Variants in TXNL4A observed in about 807,000 individuals in gnomAD.
The protein encoded by TXNL4A is thioredoxin like 4A, also known as thioredoxin-like protein 4A.
In TXNL4A, 17 loss-of-function variants were observed where a neutral mutation model predicts 14.6. That is an observed-to-expected ratio of 1.16 (90% confidence interval 0.80 to 1.74). The LOEUF is 1.74. Among genes scored for constraint, TXNL4A ranks in the 40% most tolerant of loss-of-function variants. TXNL4A has a pLI of 0.00. For synonymous variants in TXNL4A, 83 were observed against 70.6 expected (o/e 1.18, Z -0.88); for missense variants, 74 against 195.2 (o/e 0.38, Z 3.70).
chr18:79,975,553 C>T (rs1296913251), intron 2 of TXNL4A, among the ~76,000 whole-genome samples: 2 of 152,184 alleles, frequency 1.3e-5, no homozygotes, highest in Admixed American at 6.5e-5. Context: ...AGACCTAAGA[C>T]GGCCCTCCCT....
intron 1 of TXNL4A, among the ~76,000 whole-genome samples, chr18:80,027,789 T>C (rs2051894716): frequency 6.6e-6 from 1 of 152,202 alleles, no homozygotes; most frequent in Non-Finnish European, 1.5e-5. Context: ...CCATGCTTGC[T>C]GCAAGTTAAG....
chr18:79,976,926 C>T (rs1196369742), intron 2 of TXNL4A: 3 of 358,878 alleles, frequency 8.4e-6, no homozygotes, highest in East Asian at 8.2e-5. Flanking sequence ...AAAAAGGACA[C>T]CGAAGTTGAT....
At chr18:80,003,112 C>T (rs781443980) in intron 1 of TXNL4A, among the ~76,000 whole-genome samples, 4 of 152,248 alleles carry the variant, frequency 2.6e-5, no homozygotes, top group Non-Finnish European at 5.9e-5. Flanking sequence ...GCACTGACTG[C>T]GGCTTTCTCT....
intron 1 of TXNL4A, among the ~76,000 whole-genome samples, chr18:79,997,245 C>T (rs1478761774): frequency 6.6e-6 from 1 of 151,862 alleles, no homozygotes; most frequent in Non-Finnish European, 1.5e-5. Flanking sequence ...CTGAAGAACC[C>T]CCTACCCAAC....
intron 1 of TXNL4A, chr18:79,978,043 C>T (rs1037280550): frequency 2.5e-5 from 5 of 196,288 alleles, no homozygotes; most frequent in Admixed American, 5.8e-5. Flanking sequence ...TCATGTGACA[C>T]TACTGGGACC....
At chr18:79,985,295 AC>A (rs1384867240) in intron 1 of TXNL4A, among the ~76,000 whole-genome samples, 1 of 152,124 alleles carries the variant, frequency 6.6e-6, no homozygotes, top group Admixed American at 6.5e-5. Flanking sequence ...TCGCTCTGTC[AC>A]CCAGGCTGGC....
chr18:80,007,710 C>T (rs2051741266), intron 1 of TXNL4A, among the ~76,000 whole-genome samples: 1 of 152,048 alleles, frequency 6.6e-6, no homozygotes, highest in Admixed American at 6.6e-5. Flanking sequence ...GAGGGCCTCT[C>T]TCTTCCCTCA....
intron 1 of TXNL4A, chr18:80,033,733 G>C (rs1376081479): frequency 1.3e-5 from 2 of 153,754 alleles, no homozygotes; most frequent in Non-Finnish European, 2.9e-5. Flanking sequence ...GCTTCCCCGA[G>C]TGGCACACCC....
chr18:80,012,554 G>C (rs1204142215), intron 1 of TXNL4A, among the ~76,000 whole-genome samples: 1 of 152,192 alleles, frequency 6.6e-6, no homozygotes. Context: ...TGTGGTTCAT[G>C]AGAGTTTCAG....
intron 1 of TXNL4A, among the ~76,000 whole-genome samples, chr18:79,997,759 A>G (rs1253908413): frequency 1.3e-5 from 2 of 152,306 alleles, no homozygotes; most frequent in East Asian, 3.9e-4. Context: ...CTTTGTTCAG[A>G]CACACTATCT....
upstream of TXNL4A, among the ~76,000 whole-genome samples, chr18:79,989,084 G>A (rs1403859008): frequency 3.3e-5 from 5 of 152,212 alleles, no homozygotes; most frequent in African/African-American, 1.2e-4. Context: ...CCATCAGGCC[G>A]GCTGCTGAGC....
chr18:79,988,548 A>G lies in TXNL4A; in HGVS notation c.-156T>C. The G allele has an allele frequency of 4.0e-6, 3 of 750,456 alleles. No individual in the cohort carries two copies. Among genetic ancestry groups the G allele is most frequent in the Non-Finnish European group, 5.5e-6 (3 of 549,862 alleles). 46.5% of individuals were successfully genotyped at this position (750,456 alleles called of 1,614,324 possible). A position where few individuals can be genotyped will look rare whatever the true frequency, so the allele number is the denominator to read the frequency against. On this transcript the variant is annotated 5_prime_UTR_variant, in exon 1 of 3. Coordinates refer to ENST00000269601, the MANE Select transcript of TXNL4A (RefSeq NM_006701.5). ...ACACGCAAACTCCGCTGGGACTGCC[A>G]CCCGGCAGAACGTCTGGGCGCGCAC...
intron 1 of TXNL4A, among the ~76,000 whole-genome samples, chr18:79,978,471 AATCCCAACACCTAGGGGTGACTGCTGCT>A (rs1289905219): frequency 6.6e-6 from 1 of 152,202 alleles, no homozygotes; most frequent in Admixed American, 6.5e-5. Flanking sequence ...GATCACCTCC[AATCCCAACACCTAGGGGTGACTGCTGCT>A]ATCTTTTTTC....
chr18:79,973,869 A>G lies in TXNL4A; in HGVS notation c.258-13T>C, dbSNP rs766368560. ...GATGTGCTTGTTCCTGCAACGAGAA[A>G]CAAGGGCATCCATTCTCATAGAAGT... On this transcript the variant is annotated splice_polypyrimidine_tract_variant and intron_variant, in intron 2 of 2. Coordinates refer to ENST00000269601, the MANE Select transcript of TXNL4A (RefSeq NM_006701.5). 4 of 1,612,314 alleles carry G rather than the reference A, an allele frequency of 2.5e-6. No homozygotes were observed. The highest frequency in any genetic ancestry group is 3.4e-6 in the Non-Finnish European group (4 of 1,179,294).
intron 1 of TXNL4A, chr18:79,986,562 T>C (rs1263532911): frequency 1.0e-6 from 1 of 984,740 alleles, no homozygotes; most frequent in Non-Finnish European, 1.2e-6. Flanking sequence ...CATAAAGGAG[T>C]TGGAAAAGAG....
At position 79,988,426 on chromosome 18, in the gene TXNL4A, G is replaced by A. The variant is rs1599732250; in HGVS notation, c.-34C>T. The A allele has an allele frequency of 3.6e-6, 5 of 1,401,302 alleles. No individual in the cohort carries two copies. The Middle Eastern group carries it at 6.4e-4, about 179-fold the overall frequency. The allele number at this position is 1,401,302 out of a possible 1,614,324, so 86.8% of individuals were successfully genotyped here. On this transcript the variant is annotated 5_prime_UTR_variant, in exon 1 of 3. Coordinates refer to ENST00000269601, the MANE Select transcript of TXNL4A (RefSeq NM_006701.5). ...GCGCGCTCGCCGCCGCCCAAGGCGG[G>A]GCGCCAGGGAGGGCCCAGCGAGGTG...
At chr18:79,995,669 A>G (rs1233876658) in intron 1 of TXNL4A, among the ~76,000 whole-genome samples, 1 of 152,220 alleles carries the variant, frequency 6.6e-6, no homozygotes, top group Admixed American at 6.5e-5. Context: ...CCGCACTGTG[A>G]TAAAAAGGAA....
chr18:80,016,338 T>C (rs1317918386), intron 1 of TXNL4A, among the ~76,000 whole-genome samples: 1 of 152,224 alleles, frequency 6.6e-6, no homozygotes, highest in Non-Finnish European at 1.5e-5. Flanking sequence ...TGGTAGTTTC[T>C]TTTGCTGCGC....
chr18:79,976,145 A>G (rs953230181), intron 2 of TXNL4A, among the ~76,000 whole-genome samples: 2 of 152,220 alleles, frequency 1.3e-5, no homozygotes, highest in Non-Finnish European at 2.9e-5. Flanking sequence ...ACGCTTTGGC[A>G]GCCTGAGGCG....
Sources: allele counts gnomAD v4.1 joint callset (sites outside exome capture counted in the v4.1 genomes callset), GRCh38; gene constraint gnomAD v4.1.1; transcripts MANE v1.5; gene names NCBI Gene and HGNC (gene_info 2026-07-23, HGNC 2026-07-21).